The following HS6ST2 variants were observed in gnomAD, a reference collection of about 807,000 sequenced individuals.
The protein encoded by HS6ST2 is heparan-sulfate 6-O-sulfotransferase 2.
Under a neutral mutation model 33.0 loss-of-function variants are expected in HS6ST2, and 17 were observed. The ratio of observed to expected loss-of-function variants is 0.52; its 90% CI spans 0.35 to 0.77. The LOEUF (loss-of-function observed/expected upper bound fraction) is 0.77, where lower values mean the gene tolerates loss of function less well. Among genes scored for constraint, HS6ST2 ranks in the 30% least tolerant of loss-of-function variants. The pLI is 0.01. For missense variants in HS6ST2, 519 were observed against 551.7 expected (o/e 0.94, Z 0.59); for synonymous variants, 248 against 237.1 (o/e 1.05, Z -0.42).
intron 2 of HS6ST2, among the ~76,000 whole-genome samples, chrX:132,740,703 A>G (rs1435264772): frequency 9.1e-6 from 1 of 110,380 alleles, no homozygotes; most frequent in African/African-American, 3.3e-5. Context: ...AGTTCCCAAT[A>G]TGTACCACTG....
At chrX:132,636,293 A>G (rs749966276) in intron 4 of HS6ST2, among the ~76,000 whole-genome samples, 1 of 111,843 alleles carries the variant, frequency 8.9e-6, no homozygotes, top group East Asian at 2.8e-4. Context: ...TCACTATGAA[A>G]TAACAGATAT....
At chrX:132,690,837 T>C (rs1026606287) in intron 3 of HS6ST2, among the ~76,000 whole-genome samples, 1 of 111,194 alleles carries the variant, frequency 9.0e-6, no homozygotes, top group Non-Finnish European at 1.9e-5. Context: ...AAAAAAGGAG[T>C]TCAAACTCCT....
At chrX:132,713,285 T>C (rs1036570359) in intron 2 of HS6ST2, among the ~76,000 whole-genome samples, 5 of 110,995 alleles carry the variant, frequency 4.5e-5, no homozygotes, top group Non-Finnish European at 9.4e-5. Context: ...TGTAGCAGAA[T>C]GTCAGGTCCA....
At chrX:132,702,387 A>ATTT (rs754461883) in intron 3 of HS6ST2, among the ~76,000 whole-genome samples, 1 of 112,580 alleles carries the variant, frequency 8.9e-6, no homozygotes, top group African/African-American at 3.2e-5. Context: ...ATTAGCATCC[A>ATTT]TTTATATTCT....
At chrX:132,700,174 G>A (rs1301340051) in intron 3 of HS6ST2, among the ~76,000 whole-genome samples, 1 of 111,990 alleles carries the variant, frequency 8.9e-6, no homozygotes, top group Non-Finnish European at 1.9e-5. Flanking sequence ...GCCGTTTACG[G>A]ATGGTTTGTA....
chrX:132,670,505 G>C (rs369930653), intron 3 of HS6ST2, among the ~76,000 whole-genome samples: 1 of 111,810 alleles, frequency 8.9e-6, no homozygotes, highest in Non-Finnish European at 1.9e-5. Context: ...AAGCACTTAA[G>C]AGTCAGTGTC....
Position 132,795,956 on chromosome X carries a change from G to A in HS6ST2, c.948-87462C>T, listed in dbSNP as rs986861187. On this transcript the variant is annotated intron_variant, in intron 2 of 4. Transcript: ENST00000370833. ...CAGCTCTGTGACTTCTTAGCTGTAT[G>A]ACCTTGAACAACTTAATGTTTAAGT... is the stretch of plus-strand genomic sequence containing the variant. Among the ~76,000 whole-genome samples, 3 of 111,479 alleles carry A rather than the reference G, an allele frequency of 2.7e-5. No individual in the cohort carries two copies. In the Admixed American group the frequency reaches 2.9e-4, roughly 11 times the overall value.
intron 2 of HS6ST2, among the ~76,000 whole-genome samples, chrX:132,948,253 G>A: frequency 8.9e-6 from 1 of 111,880 alleles, no homozygotes; most frequent in South Asian, 3.8e-4. Flanking sequence ...TAAATGAAGT[G>A]CAAATTATTC....
intron 2 of HS6ST2, among the ~76,000 whole-genome samples, chrX:132,718,338 C>T (rs1011583372): frequency 5.4e-5 from 6 of 111,555 alleles, no homozygotes; most frequent in African/African-American, 9.8e-5. Context: ...GTGAGGTAGG[C>T]GGCATTCTTC....
At chrX:132,854,490 C>A (rs1388813439) in intron 2 of HS6ST2, among the ~76,000 whole-genome samples, 1 of 112,326 alleles carries the variant, frequency 8.9e-6, no homozygotes, top group Non-Finnish European at 1.9e-5. Context: ...CTCTGCCCTG[C>A]TGGGCAGAAT....
intron 2 of HS6ST2, among the ~76,000 whole-genome samples, chrX:132,756,277 G>C (rs1243682551): frequency 2.7e-5 from 3 of 112,128 alleles, no homozygotes; most frequent in Non-Finnish European, 5.6e-5. Context: ...GGTCTTTAAA[G>C]ATGACATTGA....
At chrX:132,846,581 G>T (rs140620472) in intron 2 of HS6ST2, among the ~76,000 whole-genome samples, 4 of 111,876 alleles carry the variant, frequency 3.6e-5, no homozygotes, top group African/African-American at 1.3e-4. Flanking sequence ...CCTACCAGTC[G>T]CAGTGATTCT....
intron 2 of HS6ST2, among the ~76,000 whole-genome samples, chrX:132,715,349 C>T (rs969756369): frequency 2.0e-4 from 22 of 111,835 alleles, no homozygotes; most frequent in African/African-American, 6.5e-4. Context: ...GCAGGAGGAG[C>T]GGCTTGAGCC....
At chrX:132,899,637 TTAGCTATGGGAAA>T (rs778889488) in intron 2 of HS6ST2, among the ~76,000 whole-genome samples, 1 of 111,480 alleles carries the variant, frequency 9.0e-6, no homozygotes, top group East Asian at 2.8e-4. Context: ...AGAGCATCAG[TTAGCTATGGGAAA>T]CACCACAGGG....
rs755166100 is a variant in HS6ST2 at position 132,792,550 on chromosome X, T to C, written c.948-84056A>G. Among the ~76,000 whole-genome samples, 170 of 112,345 alleles carry C rather than the reference T, an allele frequency of 1.5e-3. 2 individuals carry two copies. The highest frequency in any genetic ancestry group is 8.3e-3 in the Admixed American group (88 of 10,560). ...ATTCTCCCATTTAAAGTGTAAAATTTGAGGTTTTTAGTATATTATCAGTCA... is the reference window on the plus strand; with the variant it reads ...ATTCTCCCATTTAAAGTGTAAAATTCGAGGTTTTTAGTATATTATCAGTCA... On this transcript the variant is annotated intron_variant, in intron 2 of 4. Transcript: ENST00000370833.
At chrX:132,898,715 T>C (rs1181089185) in intron 2 of HS6ST2, among the ~76,000 whole-genome samples, 6 of 110,281 alleles carry the variant, frequency 5.4e-5, no homozygotes, top group Non-Finnish European at 9.5e-5. Flanking sequence ...AGCCCAGTGA[T>C]TTCCTGCATT....
rs760149507 is a variant in HS6ST2 at position 132,745,180 on chromosome X, G to A, written c.948-36686C>T. 2.2e-4 allele frequency among the ~76,000 whole-genome samples: 25 copies of A among 111,351 alleles called. No individual in the cohort carries two copies. In the Admixed American group the frequency reaches 2.4e-3, roughly 11 times the overall value. ...GGCTCACTGTAACCTCTGCCTCCCA[G>A]GTTCAAGCAATCCTCCTGCCTCAGC... is the stretch of plus-strand genomic sequence containing the variant. On this transcript the variant is annotated intron_variant, in intron 2 of 4. Transcript: ENST00000370833.
At chrX:132,885,348 C>T (rs1378760557) in intron 2 of HS6ST2, among the ~76,000 whole-genome samples, 3 of 111,357 alleles carry the variant, frequency 2.7e-5, no homozygotes, top group Non-Finnish European at 5.7e-5. Flanking sequence ...TACTAACAGT[C>T]ACACAGAGCT....
At chrX:132,750,760 A>G (rs958271484) in intron 2 of HS6ST2, among the ~76,000 whole-genome samples, 2 of 112,397 alleles carry the variant, frequency 1.8e-5, no homozygotes, top group African/African-American at 6.5e-5. Context: ...TGTAGCTGGG[A>G]CCTCAAATTA....
Sources: allele counts gnomAD v4.1 joint callset (sites outside exome capture counted in the v4.1 genomes callset), GRCh38; gene constraint gnomAD v4.1.1; transcripts MANE v1.5; gene names NCBI Gene and HGNC (gene_info 2026-07-23, HGNC 2026-07-21).